The following NPAS3 variants were observed in gnomAD, a reference collection of about 807,000 sequenced individuals.
NPAS3 encodes neuronal PAS domain-containing protein 3.
In NPAS3, 14 loss-of-function variants were observed where a neutral mutation model predicts 73.1. That is an observed-to-expected ratio of 0.19 (90% CI 0.13 to 0.30). The LOEUF is 0.30. Ranked by LOEUF, NPAS3 falls within the 10% of genes least tolerant of loss-of-function variation. The pLI, the probability that NPAS3 is intolerant of heterozygous loss-of-function variation, is 1.00. For missense variants in NPAS3, 1,096 were observed against 1,250.0 expected, an observed-to-expected ratio of 0.88 and a Z score of 1.86; for synonymous variants, 620 against 541.5, an observed-to-expected ratio of 1.14 and a Z score of -2.01.
intron 3 of NPAS3, among the ~76,000 whole-genome samples, chr14:33,366,001 A>G (rs1455298981): frequency 6.6e-6 from 1 of 152,188 alleles, no homozygotes; most frequent in East Asian, 1.9e-4. Context: ...GTTTGTAATA[A>G]AATTTTCAAA....
downstream of NPAS3, chr14:33,801,343 C>A: frequency 1.4e-6 from 1 of 731,198 alleles, no homozygotes; most frequent in Non-Finnish European, 2.1e-6. Flanking sequence ...GTTTTGTCTT[C>A]TTCTAAGGTG....
chr14:32,989,851 G>A (rs1439505091), intron 1 of NPAS3, among the ~76,000 whole-genome samples: 2 of 152,208 alleles, frequency 1.3e-5, no homozygotes, highest in East Asian at 3.9e-4. Context: ...GAGGAGAGAG[G>A]AAGGAGGTGA....
At chr14:33,013,648 A>T (rs192763872) in intron 1 of NPAS3, among the ~76,000 whole-genome samples, 30 of 152,318 alleles carry the variant, frequency 2.0e-4, no homozygotes, top group African/African-American at 7.2e-4. Context: ...CTATGCTTTT[A>T]AAAAGATTAA....
At chr14:33,253,139 G>A (rs2048650738) in intron 3 of NPAS3, among the ~76,000 whole-genome samples, 1 of 152,124 alleles carries the variant, frequency 6.6e-6, no homozygotes, top group South Asian at 2.1e-4. Context: ...TAGATACCCA[G>A]TAGTGGAATT....
intron 3 of NPAS3, among the ~76,000 whole-genome samples, chr14:33,223,631 C>T (rs759597224): frequency 8.5e-5 from 13 of 152,114 alleles, no homozygotes; most frequent in African/African-American, 2.4e-4. Context: ...AAGGATTTAG[C>T]GATTATTGTC....
chr14:33,111,093 A>G (rs375338152), intron 2 of NPAS3, among the ~76,000 whole-genome samples: 17 of 152,128 alleles, frequency 1.1e-4, no homozygotes, highest in African/African-American at 4.1e-4. Flanking sequence ...TGCTGGAAAA[A>G]CTGCAAACTG....
At chr14:33,186,105 C>A (rs1015008613) in intron 2 of NPAS3, among the ~76,000 whole-genome samples, 3 of 152,144 alleles carry the variant, frequency 2.0e-5, no homozygotes, top group East Asian at 3.9e-4. Flanking sequence ...GACTCCCCCC[C>A]ACCCACAAGT....
chr14:33,062,281 C>T (rs1468595992), intron 2 of NPAS3, among the ~76,000 whole-genome samples: 2 of 149,258 alleles, frequency 1.3e-5, no homozygotes, highest in Non-Finnish European at 3.0e-5. Context: ...TTGTTCAATT[C>T]CCACCTATGA....
At chr14:33,555,841 AT>A (rs2055328207) in intron 4 of NPAS3, among the ~76,000 whole-genome samples, 1 of 152,080 alleles carries the variant, frequency 6.6e-6, no homozygotes, top group Non-Finnish European at 1.5e-5. Context: ...ATTGACTAAA[AT>A]GATAAGCATA....
At chr14:32,938,871 C>T (rs2035826187), upstream of NPAS3, among the ~76,000 whole-genome samples, 3 of 146,334 alleles carry the variant, frequency 2.1e-5, no homozygotes, top group South Asian at 6.2e-4. Context: ...TCCTCCTCCG[C>T]CGCCGCCGCC....
At chr14:33,457,986 G>A (rs920092603) in intron 4 of NPAS3, among the ~76,000 whole-genome samples, 1 of 152,150 alleles carries the variant, frequency 6.6e-6, no homozygotes, top group African/African-American at 2.4e-5. Flanking sequence ...GTTCCCAAAG[G>A]CTCACTGGTT....
intron 4 of NPAS3, among the ~76,000 whole-genome samples, chr14:33,473,623 A>C (rs1026505527): frequency 1.3e-5 from 2 of 152,134 alleles, no homozygotes; most frequent in African/African-American, 4.8e-5. Flanking sequence ...AAACACATAC[A>C]TCGACAGTTT....
chr14:33,768,368 G>A (rs749325995), intron 7 of NPAS3, among the ~76,000 whole-genome samples: 15 of 152,166 alleles, frequency 9.9e-5, no homozygotes, highest in Non-Finnish European at 2.1e-4. Context: ...CTGTAGATGA[G>A]ATTTAAGACC....
intron 3 of NPAS3, among the ~76,000 whole-genome samples, chr14:33,331,498 A>G (rs2043983152): frequency 6.6e-6 from 1 of 152,118 alleles, no homozygotes; most frequent in African/African-American, 2.4e-5. Context: ...ATTGGCCTAG[A>G]TTATAGTGCC....
intron 1 of NPAS3, among the ~76,000 whole-genome samples, chr14:32,974,666 T>C (rs1222870685): frequency 6.6e-6 from 1 of 152,170 alleles, no homozygotes; most frequent in Non-Finnish European, 1.5e-5. Context: ...TTCACATGGA[T>C]ACCTCAGCTC....
chr14:33,195,657 T>G (rs2139538533), intron 2 of NPAS3, among the ~76,000 whole-genome samples: 1 of 152,380 alleles, frequency 6.6e-6, no homozygotes, highest in Middle Eastern at 3.4e-3. Context: ...CTGATATTTG[T>G]TATTAACTAA....
At chr14:33,425,328 T>C (rs74042083) in intron 4 of NPAS3, among the ~76,000 whole-genome samples, 17,222 of 152,024 alleles carry the variant, frequency 0.11, 1,416 homozygotes, top group East Asian at 0.39. Flanking sequence ...GAGGAAGATA[T>C]GGAGTTGAAA....
chr14:33,010,547 G>A (rs2039152182), intron 1 of NPAS3, among the ~76,000 whole-genome samples: 1 of 152,100 alleles, frequency 6.6e-6, no homozygotes, highest in Admixed American at 6.5e-5. Context: ...TTTACCATAG[G>A]CTAATTGATA....
Position 33,309,242 on chromosome 14 carries a change from C to T in NPAS3, c.386-57944C>T, listed in dbSNP as rs555271588. 3.3e-5 allele frequency among the ~76,000 whole-genome samples: 5 copies of T among 152,304 alleles called. No individual in the cohort carries two copies. The East Asian group carries it at 9.6e-4, about 29-fold the overall frequency. ...AAGAGAAGGCAGGAGAGGTTTGTCCCTCCATGTCACGGTTCACCTGCCTTG... is the reference window on the plus strand; with the variant it reads ...AAGAGAAGGCAGGAGAGGTTTGTCCTTCCATGTCACGGTTCACCTGCCTTG... On this transcript the variant is annotated intron_variant, in intron 3 of 11. Transcript: ENST00000356141.
Sources: gnomAD v4.1 joint callset for allele counts (sites outside exome capture counted in the v4.1 genomes callset) on GRCh38, gnomAD v4.1.1 for gene constraint, MANE v1.5 for transcripts, NCBI Gene and HGNC (gene_info 2026-07-23, HGNC 2026-07-21) for gene names.